DOK5: variants seen among roughly 807,000 people sequenced by gnomAD.
The protein encoded by DOK5 is docking protein 5, also known as downstream of tyrosine kinase 5.
Under a neutral mutation model 43.3 loss-of-function variants are expected in DOK5, and 27 were observed. That is an observed-to-expected ratio of 0.62 (90% CI 0.46 to 0.86). DOK5 has a LOEUF of 0.86. Ranked by LOEUF, DOK5 falls within the 40% of genes least tolerant of loss-of-function variation. DOK5 has a pLI of 0.00. For missense variants in DOK5, 373 were observed against 392.9 expected (o/e 0.95, Z 0.43); for synonymous variants, 146 against 140.1 (o/e 1.04, Z -0.30).
intron 1 of DOK5, among the ~76,000 whole-genome samples, chr20:54,500,945 C>T (rs188219000): frequency 2.2e-4 from 34 of 152,220 alleles, no homozygotes; most frequent in Admixed American, 1.7e-3. Context: ...AGTTTGAAGT[C>T]TATGATGACT....
intron 5 of DOK5, among the ~76,000 whole-genome samples, chr20:54,598,554 A>AT (rs1280418357): frequency 6.6e-6 from 1 of 152,180 alleles, no homozygotes; most frequent in Non-Finnish European, 1.5e-5. Flanking sequence ...GCATGCTTCA[A>AT]TGTCAGACTT....
chr20:54,606,715 G>A (rs1986481219), intron 5 of DOK5, among the ~76,000 whole-genome samples: 1 of 152,158 alleles, frequency 6.6e-6, no homozygotes, highest in Non-Finnish European at 1.5e-5. Flanking sequence ...TCAATTAGGA[G>A]GGGTGGATAA....
intron 1 of DOK5, among the ~76,000 whole-genome samples, chr20:54,489,802 C>A (rs776908330): frequency 7.2e-5 from 11 of 152,036 alleles, no homozygotes; most frequent in Non-Finnish European, 1.6e-4. Context: ...TGCTATAGAC[C>A]ACCCCTCATC....
At chr20:54,508,106 G>T (rs1982878890) in intron 1 of DOK5, among the ~76,000 whole-genome samples, 1 of 152,104 alleles carries the variant, frequency 6.6e-6, no homozygotes. Context: ...CCATGCCAAA[G>T]TTGGGTTTAG....
intron 6 of DOK5, among the ~76,000 whole-genome samples, chr20:54,637,145 C>T (rs962715082): frequency 6.6e-6 from 1 of 150,666 alleles, no homozygotes; most frequent in African/African-American, 2.4e-5. Flanking sequence ...GCGTCTTCTG[C>T]TTCTACATTG....
chr20:54,610,888 A>G (rs1255069137), intron 6 of DOK5, among the ~76,000 whole-genome samples: 2 of 152,230 alleles, frequency 1.3e-5, no homozygotes, highest in Non-Finnish European at 2.9e-5. Flanking sequence ...TGTAAATGAA[A>G]GAAGAGGGCT....
intron 6 of DOK5, among the ~76,000 whole-genome samples, chr20:54,624,362 C>G (rs1987075244): frequency 6.6e-6 from 1 of 152,080 alleles, no homozygotes; most frequent in Non-Finnish European, 1.5e-5. Context: ...AAGCTGACCT[C>G]TGAGTAAGTG....
chr20:54,507,638 T>C (rs1982857903), intron 1 of DOK5, among the ~76,000 whole-genome samples: 1 of 152,152 alleles, frequency 6.6e-6, no homozygotes, highest in Non-Finnish European at 1.5e-5. Flanking sequence ...GTGTCTGCTT[T>C]AGACTGAATG....
intron 1 of DOK5, among the ~76,000 whole-genome samples, chr20:54,524,611 CTG>C (rs1655306003): frequency 6.6e-6 from 1 of 152,312 alleles, no homozygotes; most frequent in African/African-American, 2.4e-5. Flanking sequence ...ATAGGAAAAA[CTG>C]AGACCAAGAG....
At chr20:54,478,087 T>G (rs993695517) in intron 1 of DOK5, among the ~76,000 whole-genome samples, 10 of 152,252 alleles carry the variant, frequency 6.6e-5, no homozygotes, top group Non-Finnish European at 1.2e-4. Flanking sequence ...TCAGAATATC[T>G]ATTGAATTAT....
intron 5 of DOK5, among the ~76,000 whole-genome samples, chr20:54,592,722 C>T (rs921131874): frequency 1.3e-5 from 2 of 151,740 alleles, no homozygotes; most frequent in African/African-American, 2.4e-5. Flanking sequence ...TTTGTATTTT[C>T]AGTAGAGATG....
chr20:54,551,807 C>G (rs1984540772), intron 1 of DOK5, among the ~76,000 whole-genome samples: 1 of 152,124 alleles, frequency 6.6e-6, no homozygotes, highest in African/African-American at 2.4e-5. Flanking sequence ...ACAGAATCCT[C>G]TTTCATTTAA....
chr20:54,501,466 CAAAAAAAAAA>C (rs76224592), intron 1 of DOK5, among the ~76,000 whole-genome samples: 1 of 19,460 alleles, frequency 5.1e-5, no homozygotes, highest in Non-Finnish European at 9.3e-5. Context: ...GACTCACTCT[CAAAAAAAAAA>C]AAAAAAAAAA....
chr20:54,535,769 G>A (rs1011043101), intron 1 of DOK5, among the ~76,000 whole-genome samples: 7 of 152,048 alleles, frequency 4.6e-5, no homozygotes, highest in African/African-American at 1.4e-4. Flanking sequence ...AATGTGTGGA[G>A]CAATTGTTTA....
At chr20:54,501,534 CAG>C (rs1982609865) in intron 1 of DOK5, among the ~76,000 whole-genome samples, 1 of 147,330 alleles carries the variant, frequency 6.8e-6, no homozygotes. Context: ...CAGTGGGCCA[CAG>C]AGGTAGCTGA....
chr20:54,549,335 A>T (rs74452592), intron 1 of DOK5, among the ~76,000 whole-genome samples: 2 of 152,328 alleles, frequency 1.3e-5, no homozygotes, highest in South Asian at 4.1e-4. Flanking sequence ...GGTATGATAT[A>T]TGACAATAAA....
chr20:54,605,571 G>A (rs4809968), intron 5 of DOK5, among the ~76,000 whole-genome samples: 63,837 of 152,194 alleles, frequency 0.42, 19,147 homozygotes, highest in African/African-American at 0.84. Flanking sequence ...GTCTGTCAAG[G>A]CTGTTTTTCC....
intron 1 of DOK5, among the ~76,000 whole-genome samples, chr20:54,476,974 C>T (rs1303150025): frequency 2.0e-5 from 3 of 150,718 alleles, no homozygotes; most frequent in Non-Finnish European, 4.4e-5. Flanking sequence ...CTCTTTGCCT[C>T]CTATCAAGTG....
chr20:54,650,078 A>G (rs956191956), intron 7 of DOK5, among the ~76,000 whole-genome samples: 7 of 152,250 alleles, frequency 4.6e-5, no homozygotes, highest in Admixed American at 1.3e-4. Flanking sequence ...ATTGCTGCTC[A>G]GGTTTCCAGA....
Sources: allele counts gnomAD v4.1 joint callset (sites outside exome capture counted in the v4.1 genomes callset), GRCh38; gene constraint gnomAD v4.1.1; transcripts MANE v1.5; gene names NCBI Gene and HGNC (gene_info 2026-07-23, HGNC 2026-07-21).